FAM53A: variants seen among roughly 807,000 people sequenced by gnomAD.
FAM53A encodes family with sequence similarity 53 member A.
In FAM53A, 28 loss-of-function variants were observed where a neutral mutation model predicts 26.6. The ratio of observed to expected loss-of-function variants is 1.05; its 90% CI spans 0.78 to 1.45. The LOEUF (loss-of-function observed/expected upper bound fraction) is 1.45. Ranked by LOEUF, FAM53A falls within the 40% of genes most tolerant of loss-of-function variation. The pLI is 0.00. For synonymous variants in FAM53A, 290 were observed against 253.1 expected (o/e 1.15, Z -1.38); for missense variants, 650 against 575.8 (o/e 1.13, Z -1.32).
At chr4:1,634,815 G>A (rs2108782370) in intron 1 of FAM53A, among the ~76,000 whole-genome samples, 1 of 151,998 alleles carries the variant, frequency 6.6e-6, no homozygotes, top group South Asian at 2.1e-4. Context: ...CAGGGGAACT[G>A]CTTGAACCCA....
intron 1 of FAM53A, among the ~76,000 whole-genome samples, chr4:1,627,858 C>T (rs1715378740): frequency 6.6e-6 from 1 of 151,890 alleles, no homozygotes; most frequent in Non-Finnish European, 1.5e-5. Context: ...AGCCATGAGC[C>T]TCCCACCCAC....
intron 1 of FAM53A, among the ~76,000 whole-genome samples, chr4:1,680,772 T>C (rs539056270): frequency 6.6e-6 from 1 of 151,560 alleles, no homozygotes; most frequent in African/African-American, 2.4e-5. Context: ...AAAGGTTAAC[T>C]GTGGAGACTA....
At chr4:1,648,487 G>A (rs1381767317) in intron 4 of FAM53A, among the ~76,000 whole-genome samples, 3 of 152,148 alleles carry the variant, frequency 2.0e-5, no homozygotes, top group African/African-American at 4.8e-5. Context: ...CTCTGCAGCC[G>A]CGGTCAGGAG....
chr4:1,601,778 T>C, the FAM53A span, among the ~76,000 whole-genome samples: 3 of 106,014 alleles, frequency 2.8e-5, 1 homozygote, highest in South Asian at 8.7e-4. Flanking sequence ...CCCTAAGCTA[T>C]GGCAGGGCCT....
intron 2 of FAM53A, among the ~76,000 whole-genome samples, chr4:1,663,147 G>C (rs111248819): frequency 1.3e-4 from 20 of 152,104 alleles, no homozygotes; most frequent in African/African-American, 4.8e-4. Flanking sequence ...AGCCGAGATC[G>C]CGCCACTGCA....
At chr4:1,626,672 G>GA (rs1715321899) in intron 1 of FAM53A, among the ~76,000 whole-genome samples, 1 of 151,606 alleles carries the variant, frequency 6.6e-6, no homozygotes, top group Non-Finnish European at 1.5e-5. Context: ...AGCCCGGGGG[G>GA]ACCCGGGGAG....
intron 1 of FAM53A, among the ~76,000 whole-genome samples, chr4:1,681,288 G>T (rs1715419819): frequency 6.6e-6 from 1 of 151,846 alleles, no homozygotes; most frequent in Middle Eastern, 3.2e-3. Context: ...AGTAGAGACG[G>T]GGTTTCGCCA....
chr4:1,645,995 C>T (rs1396675141), intron 4 of FAM53A, among the ~76,000 whole-genome samples: 3 of 152,154 alleles, frequency 2.0e-5, no homozygotes, highest in Non-Finnish European at 4.4e-5. Context: ...CTATCTCCTC[C>T]GCCAGGTGAG....
At position 1,655,633 on chromosome 4, in the gene FAM53A, G is replaced by T; in HGVS notation, c.227C>A (p.Ser76Tyr). 6.3e-7 allele frequency: 1 copy of T among 1,595,172 alleles called. No individual in the cohort carries two copies. Among genetic ancestry groups the T allele is most frequent in the Non-Finnish European group, 8.5e-7 (1 of 1,171,624 alleles). ...GPDFSFLPGL[S>Y]AAAHTMGLQW... ...AAGACCCATGGTGTGAGCGGCAGCA[G>T]ACAGGCCCGGCAGGAAGGAGAAATC... The change falls in exon 4 of 5, where the codon TCT (serine) becomes TAT (tyrosine). Residue 76 changes from serine (S) to tyrosine (Y), a missense_variant. Physicochemically the swap from Ser to Tyr is moderately radical, Grantham distance 144. Coordinates refer to ENST00000308132, the MANE Select transcript of FAM53A (RefSeq NM_001174070.3).
chr4:1,627,352 C>T (rs1001547771), intron 1 of FAM53A, among the ~76,000 whole-genome samples: 5 of 152,218 alleles, frequency 3.3e-5, no homozygotes, highest in Admixed American at 6.5e-5. Flanking sequence ...CTCACGCCCT[C>T]GGGTGACAGA....
At chr4:1,621,701 A>G (rs970870648) in intron 1 of FAM53A, among the ~76,000 whole-genome samples, 3 of 152,202 alleles carry the variant, frequency 2.0e-5, no homozygotes, top group African/African-American at 7.2e-5. Context: ...GGCTGTCACA[A>G]GGTCCCTGCC....
At chr4:1,658,411 C>T (rs950883844) in intron 2 of FAM53A, among the ~76,000 whole-genome samples, 5 of 152,244 alleles carry the variant, frequency 3.3e-5, no homozygotes, top group African/African-American at 9.6e-5. Flanking sequence ...CAGCTGCAGC[C>T]GTCTTTGCAA....
the FAM53A span, among the ~76,000 whole-genome samples, chr4:1,606,663 C>T: frequency 4.6e-5 from 7 of 152,212 alleles, no homozygotes; most frequent in East Asian, 3.9e-4. Flanking sequence ...CCCGAAGGTG[C>T]GCCTTCCTGA....
chr4:1,671,746 C>G (rs374972217), intron 1 of FAM53A, among the ~76,000 whole-genome samples: 2 of 152,272 alleles, frequency 1.3e-5, no homozygotes, highest in South Asian at 4.1e-4. Context: ...CCCTTCACAC[C>G]GTGCACCACG....
At chr4:1,634,149 G>C (rs1264801836) in intron 1 of FAM53A, among the ~76,000 whole-genome samples, 1 of 152,156 alleles carries the variant, frequency 6.6e-6, no homozygotes, top group Non-Finnish European at 1.5e-5. Flanking sequence ...AACTGGATTG[G>C]AGCCCACAGT....
At position 1,643,727 on chromosome 4, in the gene FAM53A, G is replaced by A. The variant is rs145696377; in HGVS notation, c.883-2120C>T. On this transcript the variant is annotated intron_variant, in intron 4 of 4. Coordinates refer to ENST00000308132, the MANE Select transcript of FAM53A (RefSeq NM_001174070.3). ...GACAACAGGTACATACCATCATGCC[G>A]GTCTAATTTTTGTATTTTCTGTAGC... Among the ~76,000 whole-genome samples the A allele has an allele frequency of 4.6e-5, 7 of 151,650 alleles. No homozygotes were observed. In the East Asian group the frequency reaches 5.9e-4, roughly 13 times the overall value.
the FAM53A span, among the ~76,000 whole-genome samples, chr4:1,602,345 A>G: frequency 2.0e-5 from 3 of 152,214 alleles, no homozygotes; most frequent in Non-Finnish European, 4.4e-5. Flanking sequence ...ACACAGGCAG[A>G]GGTGCCGGTC....
chr4:1,593,723 G>C, the FAM53A span, among the ~76,000 whole-genome samples: 1 of 152,102 alleles, frequency 6.6e-6, no homozygotes, highest in African/African-American at 2.4e-5. Context: ...TGGTGGAGTG[G>C]CCGCGGGAGA....
chr4:1,655,849 G>A lies in FAM53A; in HGVS notation c.137-126C>T, dbSNP rs539795949. 24 of 1,187,406 alleles carry A rather than the reference G, an allele frequency of 2.0e-5. 1 individual carries two copies. Among genetic ancestry groups the A allele is most frequent in the East Asian group, 1.5e-4 (5 of 34,100 alleles). The allele number at this position is 1,187,406 out of a possible 1,614,324, so 73.6% of individuals were successfully genotyped here. The stretch of plus-strand genomic sequence containing the variant: ...AACCCCATCGCCGCCACCCCTGGGC[G>A]TGCTTCTCCAAGATGTCCGTGGCGC... On this transcript the variant is annotated intron_variant, in intron 3 of 4. Coordinates refer to ENST00000308132, the MANE Select transcript of FAM53A (RefSeq NM_001174070.3).
Sources: allele counts gnomAD v4.1 joint callset (sites outside exome capture counted in the v4.1 genomes callset), GRCh38; gene constraint gnomAD v4.1.1; transcripts MANE v1.5; gene names NCBI Gene and HGNC (gene_info 2026-07-23, HGNC 2026-07-21).